The following GABBR2 variants were observed in gnomAD, a reference collection of about 807,000 sequenced individuals.
GABBR2 encodes G-protein coupled receptor 51.
Under a neutral mutation model 105.6 loss-of-function variants are expected in GABBR2, and 23 were observed. That is an observed-to-expected ratio of 0.22 (90% confidence interval 0.16 to 0.31). The LOEUF (loss-of-function observed/expected upper bound fraction) is 0.31. Among genes scored for constraint, GABBR2 ranks in the 10% least tolerant of loss-of-function variants. GABBR2 has a pLI of 1.00. For synonymous variants in GABBR2, 478 were observed against 499.7 expected (o/e 0.96, Z 0.58); for missense variants, 734 against 1,245.5 (o/e 0.59, Z 6.18).
In GABBR2 at chr9:98,568,284, T is replaced by G. The variant is rs538526447; in HGVS notation, c.459+9651A>C. Among the ~76,000 whole-genome samples the G allele has an allele frequency of 3.3e-5, 5 of 151,384 alleles. No homozygotes were observed. The East Asian group carries it at 9.7e-4, about 29-fold the overall frequency. ...GACTAATCAGACATGTCCACTGTCTTTAGGGTACCACAGTCAAATGGGGGG... is the reference window on the plus strand; with the variant it reads ...GACTAATCAGACATGTCCACTGTCTGTAGGGTACCACAGTCAAATGGGGGG... On this transcript the variant is annotated intron_variant, in intron 2 of 18. Coordinates refer to ENST00000259455, the MANE Select transcript of GABBR2 (RefSeq NM_005458.8).
chr9:98,448,452 G>A lies in GABBR2; in HGVS notation c.1236+5529C>T, dbSNP rs183476366. ...ATTTATTTTATTTCTTTTTTGAGAC[G>A]GAGTCTCACTCTATTGCTCAGGCTG... On this transcript the variant is annotated intron_variant, in intron 7 of 18. Transcript: ENST00000259455. Among the ~76,000 whole-genome samples the A allele has an allele frequency of 1.6e-4, 25 of 151,930 alleles. No individual in the cohort carries two copies. The Middle Eastern group carries it at 0.01, about 62-fold the overall frequency.
At chr9:98,669,544 T>G (rs1039586278) in intron 1 of GABBR2, among the ~76,000 whole-genome samples, 1 of 152,234 alleles carries the variant, frequency 6.6e-6, no homozygotes. Flanking sequence ...TTCTAGAGTT[T>G]CTATTCTGTT....
At chr9:98,578,362 C>T (rs1216999611) in intron 1 of GABBR2, among the ~76,000 whole-genome samples, 2 of 152,060 alleles carry the variant, frequency 1.3e-5, no homozygotes, top group African/African-American at 4.8e-5. Flanking sequence ...CCCATAATGC[C>T]TCGCCCTGGG....
chr9:98,377,477 C>A (rs1279981497), intron 11 of GABBR2, among the ~76,000 whole-genome samples: 1 of 152,202 alleles, frequency 6.6e-6, no homozygotes, highest in African/African-American at 2.4e-5. Flanking sequence ...CTGGGCCTTA[C>A]CCACTCCCCT....
chr9:98,568,624 C>T (rs1325660821), intron 2 of GABBR2, among the ~76,000 whole-genome samples: 1 of 152,092 alleles, frequency 6.6e-6, no homozygotes, highest in Non-Finnish European at 1.5e-5. Flanking sequence ...CTTTGTCCAC[C>T]ACAGAGCCTG....
chr9:98,393,962 T>G (rs898946598), intron 9 of GABBR2, among the ~76,000 whole-genome samples: 1 of 152,240 alleles, frequency 6.6e-6, no homozygotes, highest in Non-Finnish European at 1.5e-5. Flanking sequence ...CACCTCAGTG[T>G]GCACTTCATA....
intron 2 of GABBR2, among the ~76,000 whole-genome samples, chr9:98,562,947 G>A (rs993595002): frequency 2.0e-5 from 3 of 151,446 alleles, no homozygotes; most frequent in African/African-American, 7.3e-5. Context: ...GTGTGCGCCT[G>A]TAATCCCAGC....
intron 5 of GABBR2, among the ~76,000 whole-genome samples, chr9:98,475,150 C>T (rs928882378): frequency 6.6e-6 from 1 of 152,160 alleles, no homozygotes. Context: ...ATTTTAGACA[C>T]TGTACTTCTC....
At chr9:98,404,414 C>T (rs1306623542) in intron 8 of GABBR2, among the ~76,000 whole-genome samples, 4 of 152,168 alleles carry the variant, frequency 2.6e-5, no homozygotes, top group African/African-American at 9.7e-5. Flanking sequence ...TGAAGAACAC[C>T]TCTCCTGATT....
chr9:98,529,243 A>T (rs1258781454), intron 3 of GABBR2, among the ~76,000 whole-genome samples: 1 of 152,212 alleles, frequency 6.6e-6, no homozygotes, highest in Non-Finnish European at 1.5e-5. Flanking sequence ...GGAATATAGG[A>T]AGAAAGGGAA....
chr9:98,647,009 G>T (rs1830034862), intron 1 of GABBR2, among the ~76,000 whole-genome samples: 1 of 152,176 alleles, frequency 6.6e-6, no homozygotes, highest in South Asian at 2.1e-4. Context: ...GTCTCAGAGG[G>T]CAGTACCAGG....
chr9:98,665,838 G>A (rs1453602039), intron 1 of GABBR2, among the ~76,000 whole-genome samples: 1 of 152,178 alleles, frequency 6.6e-6, no homozygotes, highest in Non-Finnish European at 1.5e-5. Context: ...CAACCCTCGA[G>A]GGATGCGACC....
chr9:98,479,565 T>C (rs952777742), intron 5 of GABBR2, among the ~76,000 whole-genome samples: 1 of 152,226 alleles, frequency 6.6e-6, no homozygotes, highest in African/African-American at 2.4e-5. Context: ...AGTTCTCGTT[T>C]TGCTCCTGAG....
At chr9:98,572,828 G>T (rs1415891831) in intron 2 of GABBR2, among the ~76,000 whole-genome samples, 1 of 152,154 alleles carries the variant, frequency 6.6e-6, no homozygotes, top group Non-Finnish European at 1.5e-5. Context: ...CCTCAGAGAA[G>T]TCCAAACTGT....
chr9:98,579,293 A>G (rs1163802861), intron 1 of GABBR2, among the ~76,000 whole-genome samples: 1 of 152,210 alleles, frequency 6.6e-6, no homozygotes, highest in Non-Finnish European at 1.5e-5. Flanking sequence ...ATTAGAGAGA[A>G]AAGTTGGCCA....
intron 1 of GABBR2, among the ~76,000 whole-genome samples, chr9:98,698,409 CA>C (rs1370086583): frequency 6.6e-6 from 1 of 151,684 alleles, no homozygotes; most frequent in East Asian, 1.9e-4. Flanking sequence ...CCCATCAGCC[CA>C]AAAAAGTGTT....
intron 3 of GABBR2, among the ~76,000 whole-genome samples, chr9:98,516,668 C>CCAAA (rs1827762592): frequency 1.3e-5 from 2 of 152,278 alleles, no homozygotes; most frequent in African/African-American, 2.4e-5. Context: ...TTCCTGACCC[C>CCAAA]GAGGGTGGCA....
At chr9:98,353,813 G>C (rs1017544538) in intron 13 of GABBR2, among the ~76,000 whole-genome samples, 2 of 152,096 alleles carry the variant, frequency 1.3e-5, no homozygotes, top group Non-Finnish European at 2.9e-5. Flanking sequence ...TGGTGGGGGG[G>C]GGTGGCGGAA....
At chr9:98,632,502 A>G (rs952343250) in intron 1 of GABBR2, among the ~76,000 whole-genome samples, 1 of 152,148 alleles carries the variant, frequency 6.6e-6, no homozygotes, top group African/African-American at 2.4e-5. Flanking sequence ...GCTCTGATCA[A>G]TATTGAGTAT....
Sources: gnomAD v4.1 joint callset for allele counts (sites outside exome capture counted in the v4.1 genomes callset) on GRCh38, gnomAD v4.1.1 for gene constraint, MANE v1.5 for transcripts, NCBI Gene and HGNC (gene_info 2026-07-23, HGNC 2026-07-21) for gene names.